NAV3: variants seen among roughly 807,000 people sequenced by gnomAD.
NAV3 encodes pore membrane and/or filament interacting like protein 1.
Under a neutral mutation model 244.7 loss-of-function variants are expected in NAV3, and 87 were observed. The observed-to-expected ratio is 0.36, with a 90% CI of 0.30 to 0.42. NAV3 has a LOEUF of 0.42. Ranked by LOEUF, NAV3 falls within the 20% of genes least tolerant of loss-of-function variation. NAV3 has a pLI of 1.00. For missense variants in NAV3, 2,663 were observed against 2,893.3 expected (o/e 0.92, Z 1.83); for synonymous variants, 1,126 against 1,042.2 (o/e 1.08, Z -1.55).
chr12:77,723,177 T>A (rs192568077), intron 2 of NAV3, among the ~76,000 whole-genome samples: 148 of 152,128 alleles, frequency 9.7e-4, no homozygotes, highest in African/African-American at 3.4e-3. Flanking sequence ...GAAGTGACAA[T>A]GGTACTGGGA....
At chr12:77,867,978 A>G (rs1266682838) in intron 1 of NAV3, among the ~76,000 whole-genome samples, 1 of 152,148 alleles carries the variant, frequency 6.6e-6, no homozygotes, top group African/African-American at 2.4e-5. Context: ...TACACCAGAT[A>G]CTGTCCCACA....
chr12:78,039,518 A>G (rs1437438732), intron 9 of NAV3, among the ~76,000 whole-genome samples: 2 of 152,070 alleles, frequency 1.3e-5, no homozygotes, highest in East Asian at 3.9e-4. Context: ...CATCCACAAA[A>G]CTAGAGTTAC....
At chr12:77,601,062 A>G (rs1870407748) in intron 2 of NAV3, among the ~76,000 whole-genome samples, 1 of 152,022 alleles carries the variant, frequency 6.6e-6, no homozygotes, top group Non-Finnish European at 1.5e-5. Flanking sequence ...TGAAATTGTA[A>G]TAATAGCTAA....
intron 1 of NAV3, among the ~76,000 whole-genome samples, chr12:77,879,392 G>T (rs1178381970): frequency 1.3e-5 from 2 of 152,048 alleles, no homozygotes; most frequent in Non-Finnish European, 2.9e-5. Flanking sequence ...TTTCAGGCTG[G>T]GTGCAGTGCT....
intron 1 of NAV3, among the ~76,000 whole-genome samples, chr12:77,907,182 A>G (rs181848448): frequency 1.3e-5 from 2 of 152,290 alleles, no homozygotes; most frequent in East Asian, 3.9e-4. Flanking sequence ...CTCTTACATA[A>G]TGGAGTTCCA....
rs886277821 is a variant in NAV3, at chr12:77,645,554, A to C, written c.72+73288A>C. ...CTCTCTCTAAAAAAAAAAAAAAAAAAAAAAAACTTTCAAATCTCTAATTTT... is the reference window on the plus strand; with the variant it reads ...CTCTCTCTAAAAAAAAAAAAAAAAACAAAAAACTTTCAAATCTCTAATTTT... On this transcript the variant is annotated intron_variant, in intron 2 of 8. Transcript: ENST00000550042. Among the ~76,000 whole-genome samples the C allele has an allele frequency of 4.0e-5, 6 of 151,630 alleles. No individual in the cohort carries two copies. The East Asian group carries it at 5.8e-4, about 15-fold the overall frequency.
At chr12:77,682,786 G>T (rs1874531244) in intron 2 of NAV3, among the ~76,000 whole-genome samples, 1 of 151,786 alleles carries the variant, frequency 6.6e-6, no homozygotes, top group African/African-American at 2.4e-5. Flanking sequence ...AATGTCTGTT[G>T]GCCATTTGTA....
Position 77,889,175 on chromosome 12 carries a change from G to A in NAV3, c.244-51144G>A, listed in dbSNP as rs562821912. The stretch of plus-strand genomic sequence containing the variant: ...AGATTAACATTTAAATCAGTAGACT[G>A]AATAAAGCAGATTGCCCTCCCTATT... On this transcript the variant is annotated intron_variant, in intron 1 of 39. Transcript: ENST00000397909. Among the ~76,000 whole-genome samples, 7 of 152,292 alleles carry A rather than the reference G, an allele frequency of 4.6e-5. No homozygotes were observed. In the East Asian group the frequency reaches 1.4e-3, roughly 29 times the overall value.
Position 77,622,027 on chromosome 12 carries a change from T to C in NAV3, c.72+49761T>C, listed in dbSNP as rs549193645. ...ATGTTTTATGGTTTTCTGAGGAGAA[T>C]GTTCTGCCTTTCTTATCTTTCTAGC... On this transcript the variant is annotated intron_variant, in intron 2 of 8. Transcript: ENST00000550042. 3.3e-5 allele frequency among the ~76,000 whole-genome samples: 5 copies of C among 152,302 alleles called. No individual in the cohort carries two copies. In the South Asian group the frequency reaches 1.0e-3, roughly 32 times the overall value.
At chr12:77,921,361 C>T (rs982987201) in intron 1 of NAV3, among the ~76,000 whole-genome samples, 2 of 151,990 alleles carry the variant, frequency 1.3e-5, no homozygotes, top group Non-Finnish European at 2.9e-5. Flanking sequence ...ATTCTATTTT[C>T]ATTATTCATA....
chr12:77,981,735 T>C (rs1483048870), intron 5 of NAV3, among the ~76,000 whole-genome samples: 3 of 152,030 alleles, frequency 2.0e-5, no homozygotes, highest in African/African-American at 7.2e-5. Context: ...CTACTAAAAC[T>C]CAAACCCAAG....
intron 2 of NAV3, among the ~76,000 whole-genome samples, chr12:77,753,819 A>T (rs1210900287): frequency 6.6e-6 from 1 of 152,182 alleles, no homozygotes; most frequent in African/African-American, 2.4e-5. Context: ...AATGAAGATT[A>T]TTGGTACTTA....
At chr12:77,951,807 A>G (rs570899891) in intron 3 of NAV3, among the ~76,000 whole-genome samples, 2 of 152,288 alleles carry the variant, frequency 1.3e-5, no homozygotes, top group South Asian at 4.1e-4. Context: ...TTCTCAGCAA[A>G]CTATCTCAAG....
intron 2 of NAV3, among the ~76,000 whole-genome samples, chr12:77,771,610 G>T (rs1360568188): frequency 6.6e-6 from 1 of 152,182 alleles, no homozygotes; most frequent in Non-Finnish European, 1.5e-5. Context: ...CATGTCCTTT[G>T]TAGGGACATG....
At chr12:77,605,645 G>T (rs1870638166) in intron 2 of NAV3, among the ~76,000 whole-genome samples, 2 of 152,098 alleles carry the variant, frequency 1.3e-5, no homozygotes, top group Non-Finnish European at 2.9e-5. Flanking sequence ...AGAGGGAAGT[G>T]CACAAAATAA....
Position 77,795,459 on chromosome 12 carries a change from G to C in NAV3, c.73-144860G>C, listed in dbSNP as rs140378521. 4.6e-3 allele frequency among the ~76,000 whole-genome samples: 698 copies of C among 152,260 alleles called. 5 individuals carry two copies. Among genetic ancestry groups the C allele is most frequent in the African/African-American group, 0.015 (643 of 41,556 alleles). On this transcript the variant is annotated intron_variant, in intron 2 of 8. Transcript: ENST00000550042. ...AGCGATGATGTGCAATCTGTAGCAAGTTATCCAGAAGATCTGATGAAGATG... is the reference window on the plus strand; with the variant it reads ...AGCGATGATGTGCAATCTGTAGCAACTTATCCAGAAGATCTGATGAAGATG...
intron 2 of NAV3, among the ~76,000 whole-genome samples, chr12:77,773,525 A>G (rs12309150): frequency 0.011 from 1,683 of 152,244 alleles, 36 homozygotes; most frequent in African/African-American, 0.037. Flanking sequence ...CATAGTAGAA[A>G]AAGAATTCTT....
At chr12:77,698,373 C>T (rs770532) in intron 2 of NAV3, among the ~76,000 whole-genome samples, 141,546 of 152,164 alleles carry the variant, frequency 0.93, 66,000 homozygotes, top group East Asian at 1. Flanking sequence ...TTATATCACC[C>T]ATCACTGGAA....
In NAV3 at chr12:78,119,450, C is replaced by T. The variant is rs746964202; in HGVS notation, c.3254C>T (p.Thr1085Ile). The T allele has an allele frequency of 6.2e-7, 1 of 1,614,168 alleles. No homozygotes were observed. Among genetic ancestry groups the T allele is most frequent in the African/African-American group, 1.3e-5 (1 of 75,034 alleles). The stretch of plus-strand genomic sequence containing the variant: ...GCCATGATCACCAGCAGTGGAGCAA[C>T]CATAACAAGTGGCTCTGCAACACTG... ...SSAMITSSGATITSGSATLGK... is the reference protein window; with the variant it reads ...SSAMITSSGAIITSGSATLGK... The change falls in exon 15 of 40, where the codon ACC (threonine) becomes ATC (isoleucine). Residue 1085 changes from threonine (T) to isoleucine (I), a missense_variant. Transcript: ENST00000397909.
Sources: allele counts gnomAD v4.1 joint callset (sites outside exome capture counted in the v4.1 genomes callset), GRCh38; gene constraint gnomAD v4.1.1; transcripts MANE v1.5; gene names NCBI Gene and HGNC (gene_info 2026-07-23, HGNC 2026-07-21).